FAAH2: variants seen among roughly 807,000 people sequenced by gnomAD.
FAAH2 encodes the protein fatty acid amide hydrolase 2.
A neutral mutation model predicts 36.9 loss-of-function variants in FAAH2; 60 were observed. The observed-to-expected ratio is 1.63, with a 90% CI of 1.32 to 2.02. The LOEUF is 2.02. FAAH2 is among the 30% of genes most tolerant of loss of function. The pLI is 0.00. For synonymous variants in FAAH2, 214 were observed against 143.8 expected, an observed-to-expected ratio of 1.49 and a Z score of -3.49; for missense variants, 689 against 397.5, an observed-to-expected ratio of 1.73 and a Z score of -6.23.
At chrX:57,447,222 A>G (rs193222194) in intron 9 of FAAH2, among the ~76,000 whole-genome samples, 183 bp downstream of exon 9, 28 of 111,912 alleles carry the variant, frequency 2.5e-4, no homozygotes, top group Non-Finnish European at 3.6e-4. Flanking sequence ...CTGATGCAAG[A>G]GGTGGGTTCT....
At chrX:57,481,850 C>T (rs1314260327) in intron 10 of FAAH2, among the ~76,000 whole-genome samples, 4 of 111,965 alleles carry the variant, frequency 3.6e-5, no homozygotes, top group African/African-American at 1.3e-4. Context: ...TGAAGCTGCT[C>T]CCACAGCTAC....
At chrX:57,325,638 T>C (rs1189972138) in intron 3 of FAAH2, among the ~76,000 whole-genome samples, 1 of 96,871 alleles carries the variant, frequency 1.0e-5, no homozygotes, top group Non-Finnish European at 2.1e-5. Context: ...CAGGTGTTTA[T>C]AGTAGTCTGA....
chrX:57,379,753 T>C (rs1345854247), intron 6 of FAAH2, among the ~76,000 whole-genome samples: 6 of 110,001 alleles, frequency 5.5e-5, no homozygotes, highest in African/African-American at 2.0e-4. Flanking sequence ...TGCCATCTCA[T>C]AAATGAATTC....
At chrX:57,254,633 C>A in the FAAH2 span, among the ~76,000 whole-genome samples, 1 of 111,911 alleles carries the variant, frequency 8.9e-6, no homozygotes, top group Non-Finnish European at 1.9e-5. Context: ...CTCAAAACCA[C>A]ACAACTACAT....
At chrX:57,331,505 C>G in intron 3 of FAAH2, 93 bp from the exon 4 acceptor site, 1 of 698,284 alleles carries the variant, frequency 1.4e-6, no homozygotes, top group Non-Finnish European at 2.1e-6. Context: ...GATGTTCCTT[C>G]TGGCTACATC....
At chrX:57,261,567 A>AT in the FAAH2 span, among the ~76,000 whole-genome samples, 1 of 107,746 alleles carries the variant, frequency 9.3e-6, no homozygotes, top group Non-Finnish European at 1.9e-5. Flanking sequence ...AAAAAAAAAA[A>AT]AAAAAAAAGA....
Position 57,378,101 on chromosome X carries a change from C to G in FAAH2, c.743-550C>G, listed in dbSNP as rs746610068. ...CACTTAAGTCTTGAAATCTGGTTAT[C>G]CATCTGGCATATTAATTGTGAAATG... On this transcript the variant is annotated intron_variant, in intron 5 of 10. Transcript: ENST00000374900. Among the ~76,000 whole-genome samples, 3 of 111,743 alleles carry G rather than the reference C, an allele frequency of 2.7e-5. No homozygotes were observed. In the East Asian group the frequency reaches 8.5e-4, roughly 31 times the overall value.
Position 57,431,912 on chromosome X carries a change from T to A in FAAH2, c.997-6T>A. ...TTTGTCTGTTTTTATATCTTTCTTT[T>A]ATAAGGTTGTGGTTCACCTTGAAAC... On this transcript the variant is annotated splice_polypyrimidine_tract_variant and splice_region_variant and intron_variant, in intron 7 of 10. Coordinates refer to ENST00000374900, the MANE Select transcript of FAAH2 (RefSeq NM_174912.4). 8.4e-7 allele frequency: 1 copy of A among 1,192,271 alleles called. No homozygotes were observed. The highest frequency in any genetic ancestry group is 1.1e-6 in the Non-Finnish European group (1 of 884,743).
At chrX:57,479,611 T>A (rs1035008387) in intron 10 of FAAH2, among the ~76,000 whole-genome samples, 6 of 111,311 alleles carry the variant, frequency 5.4e-5, no homozygotes, top group Non-Finnish European at 1.1e-4. Flanking sequence ...ATTTAGTATA[T>A]TGGCTGTGGG....
chrX:57,447,726 G>A (rs753409193), intron 9 of FAAH2, among the ~76,000 whole-genome samples: 6 of 31,656 alleles, frequency 1.9e-4, no homozygotes, highest in East Asian at 3.6e-3. Context: ...GGAATGCAGG[G>A]CACCAAGTCC....
At chrX:57,251,716 A>G in the FAAH2 span, among the ~76,000 whole-genome samples, 1 of 111,896 alleles carries the variant, frequency 8.9e-6, no homozygotes, top group Non-Finnish European at 1.9e-5. Context: ...GAAGAAAATC[A>G]TGAGAGTCGC....
intron 3 of FAAH2, among the ~76,000 whole-genome samples, chrX:57,325,702 A>G (rs1402645451): frequency 2.6e-5 from 2 of 76,073 alleles, no homozygotes; most frequent in East Asian, 4.2e-4. Context: ...GTCATTTTTT[A>G]TTGCGTCTAA....
the FAAH2 span, among the ~76,000 whole-genome samples, chrX:57,128,851 G>A: frequency 1.8e-5 from 2 of 111,650 alleles, no homozygotes; most frequent in African/African-American, 6.5e-5. Context: ...AGTGGAGTAA[G>A]ACAGAAAATA....
intron 7 of FAAH2, among the ~76,000 whole-genome samples, chrX:57,431,712 C>G: frequency 9.2e-6 from 1 of 109,151 alleles, no homozygotes; most frequent in Non-Finnish European, 1.9e-5. Flanking sequence ...TTCAAGAGTT[C>G]TCACAAAACT....
chrX:57,128,184 T>C, the FAAH2 span, among the ~76,000 whole-genome samples: 1 of 111,533 alleles, frequency 9.0e-6, no homozygotes, highest in Non-Finnish European at 1.9e-5. Context: ...TTGTCTTTTC[T>C]CAATGTTGCC....
chrX:57,470,228 A>T (rs186182690), intron 10 of FAAH2, among the ~76,000 whole-genome samples: 177 of 111,023 alleles, frequency 1.6e-3, no homozygotes, highest in Middle Eastern at 4.6e-3. Context: ...AAGCTAGCAG[A>T]AGGAGAGAAA....
chrX:57,229,768 G>C, the FAAH2 span, among the ~76,000 whole-genome samples: 1 of 111,301 alleles, frequency 9.0e-6, no homozygotes, highest in Non-Finnish European at 1.9e-5. Flanking sequence ...CTCTATACTT[G>C]TTACCCATAA....
At chrX:57,135,619 T>C in the FAAH2 span, 3 of 927,866 alleles carry the variant, frequency 3.2e-6, no homozygotes, top group African/African-American at 2.0e-5. Context: ...CCCGAACTTT[T>C]CAACAAGACA....
At chrX:57,381,544 T>C in intron 7 of FAAH2, 1 of 683,217 alleles carries the variant, frequency 1.5e-6, no homozygotes, top group Non-Finnish European at 1.7e-6. Flanking sequence ...GTAATAATAA[T>C]ACAGCTTATT....
Sources: gnomAD v4.1 joint callset for allele counts (sites outside exome capture counted in the v4.1 genomes callset) on GRCh38, gnomAD v4.1.1 for gene constraint, MANE v1.5 for transcripts, NCBI Gene and HGNC (gene_info 2026-07-23, HGNC 2026-07-21) for gene names.